ROBO1: variants seen among roughly 807,000 people sequenced by gnomAD.
ROBO1 encodes roundabout homolog 1.
Under a neutral mutation model 195.9 loss-of-function variants are expected in ROBO1, and 149 were observed. That is an observed-to-expected ratio of 0.76 (90% confidence interval 0.67 to 0.87). The LOEUF (loss-of-function observed/expected upper bound fraction) is 0.87. Among genes scored for constraint, ROBO1 ranks in the 40% least tolerant of loss-of-function variants. The pLI, the probability that ROBO1 is intolerant of heterozygous loss-of-function variation, is 0.00. For synonymous variants in ROBO1, 816 were observed against 733.2 expected, an observed-to-expected ratio of 1.11 and a Z score of -1.82; for missense variants, 1,933 against 2,068.3, an observed-to-expected ratio of 0.93 and a Z score of 1.27.
At chr3:78,774,017 C>T (rs1315297737) in intron 4 of ROBO1, among the ~76,000 whole-genome samples, 1 of 152,120 alleles carries the variant, frequency 6.6e-6, no homozygotes, top group Non-Finnish European at 1.5e-5. Flanking sequence ...ATGAAACAAT[C>T]TTGGGAGATG....
chr3:79,269,453 T>C (rs1471698399), intron 2 of ROBO1, among the ~76,000 whole-genome samples: 1 of 151,686 alleles, frequency 6.6e-6, no homozygotes, highest in African/African-American at 2.4e-5. Context: ...GTGTAGTTTT[T>C]TTACTAGTTG....
At chr3:79,604,750 A>AT (rs1459185826) in intron 1 of ROBO1, among the ~76,000 whole-genome samples, 4 of 151,882 alleles carry the variant, frequency 2.6e-5, no homozygotes, top group African/African-American at 9.7e-5. Context: ...TTCTGTGGTC[A>AT]TTTTCTTGAA....
At chr3:78,632,894 T>C (rs1705266897) in intron 24 of ROBO1, among the ~76,000 whole-genome samples, 1 of 152,180 alleles carries the variant, frequency 6.6e-6, no homozygotes, top group African/African-American at 2.4e-5. Flanking sequence ...CAGGATTGAC[T>C]TAGCTTCAAA....
intron 2 of ROBO1, among the ~76,000 whole-genome samples, chr3:79,318,714 T>A (rs896290039): frequency 6.6e-6 from 1 of 152,158 alleles, no homozygotes; most frequent in Non-Finnish European, 1.5e-5. Context: ...TTATCTAGGG[T>A]CATCTAGACA....
chr3:79,551,373 T>C (rs1942505909), intron 2 of ROBO1, among the ~76,000 whole-genome samples: 1 of 151,686 alleles, frequency 6.6e-6, no homozygotes, highest in African/African-American at 2.4e-5. Flanking sequence ...GATACACTGT[T>C]AAAGCAGCAC....
intron 2 of ROBO1, among the ~76,000 whole-genome samples, chr3:79,474,957 C>G (rs950543709): frequency 6.6e-6 from 1 of 151,866 alleles, no homozygotes; most frequent in East Asian, 1.9e-4. Flanking sequence ...AAAGGTAACG[C>G]TATCTAGGAA....
intron 4 of ROBO1, among the ~76,000 whole-genome samples, chr3:78,813,451 A>G (rs1272423553): frequency 6.6e-6 from 1 of 152,078 alleles, no homozygotes; most frequent in African/African-American, 2.4e-5. Flanking sequence ...TCTTTATTCA[A>G]CTGGACCAAA....
chr3:79,534,955 A>G (rs1209273917), intron 2 of ROBO1, among the ~76,000 whole-genome samples: 2 of 152,066 alleles, frequency 1.3e-5, no homozygotes, highest in Admixed American at 6.6e-5. Flanking sequence ...GCTTAGTTTG[A>G]TGTTTGCAAA....
intron 3 of ROBO1, among the ~76,000 whole-genome samples, chr3:79,098,031 T>C (rs1206257570): frequency 6.6e-6 from 1 of 151,786 alleles, no homozygotes; most frequent in Non-Finnish European, 1.5e-5. Flanking sequence ...TTATAAGAGT[T>C]ACTCATCATA....
chr3:79,167,705 T>C (rs1233846696), intron 2 of ROBO1, among the ~76,000 whole-genome samples: 1 of 152,250 alleles, frequency 6.6e-6, no homozygotes, highest in Non-Finnish European at 1.5e-5. Flanking sequence ...ATCTTTCTGC[T>C]AATCCAATCT....
chr3:78,717,890 A>G lies in ROBO1; in HGVS notation c.658-7T>C, dbSNP rs370729207. On this transcript the variant is annotated splice_region_variant and splice_polypyrimidine_tract_variant and intron_variant, in intron 5 of 30. Coordinates refer to ENST00000464233, the MANE Select transcript of ROBO1 (RefSeq NM_002941.4). ...TGAGCTTTCCTCCTCGTATCTTAAA[A>G]AAAAAGTTTCACAGGAATACTATTA... is the stretch of plus-strand genomic sequence containing the variant. The G allele has an allele frequency of 1.9e-4, 306 of 1,612,802 alleles. No homozygotes were observed. In the Middle Eastern group the frequency reaches 2.1e-3, roughly 11 times the overall value.
intron 5 of ROBO1, among the ~76,000 whole-genome samples, chr3:78,743,600 A>G (rs1049506087): frequency 1.3e-5 from 2 of 149,604 alleles, no homozygotes; most frequent in Non-Finnish European, 3.0e-5. Context: ...ATGCTATGCT[A>G]TATGTGCTAA....
Position 79,001,876 on chromosome 3 carries a change from A to G in ROBO1, c.173-62949T>C, listed in dbSNP as rs963331812. On this transcript the variant is annotated intron_variant, in intron 3 of 30. Transcript: ENST00000464233. ...AAGGATAAGCAAAATATTAGATAACATAAACTTATTTAATTTTCAGTTTGG... is the reference window on the plus strand; with the variant it reads ...AAGGATAAGCAAAATATTAGATAACGTAAACTTATTTAATTTTCAGTTTGG... Among the ~76,000 whole-genome samples the G allele has an allele frequency of 4.6e-5, 7 of 152,286 alleles. No homozygotes were observed. In the East Asian group the frequency reaches 1.4e-3, roughly 29 times the overall value.
At chr3:78,954,584 A>G (rs2040947288) in intron 3 of ROBO1, among the ~76,000 whole-genome samples, 3 of 152,106 alleles carry the variant, frequency 2.0e-5, no homozygotes, top group African/African-American at 7.2e-5. Flanking sequence ...GAGTTTGGAC[A>G]ATATTTTTCA....
intron 1 of ROBO1, among the ~76,000 whole-genome samples, chr3:79,666,910 T>G (rs768888532): frequency 1.3e-4 from 20 of 151,932 alleles, no homozygotes; most frequent in Non-Finnish European, 2.5e-4. Context: ...ATAAACTAAC[T>G]TTATTTATAC....
intron 1 of ROBO1, among the ~76,000 whole-genome samples, chr3:79,718,845 C>T (rs951944933): frequency 6.6e-6 from 1 of 151,986 alleles, no homozygotes; most frequent in Non-Finnish European, 1.5e-5. Flanking sequence ...ATGGCTAAAA[C>T]TTCAAGCCAC....
intron 4 of ROBO1, among the ~76,000 whole-genome samples, chr3:78,891,782 TG>T (rs2036911927): frequency 6.6e-6 from 1 of 152,210 alleles, no homozygotes; most frequent in Admixed American, 6.5e-5. Context: ...ACTATTGATG[TG>T]TGTAAACTCA....
At chr3:79,104,879 G>T (rs780369664) in intron 3 of ROBO1, among the ~76,000 whole-genome samples, 1 of 151,742 alleles carries the variant, frequency 6.6e-6, no homozygotes, top group African/African-American at 2.4e-5. Flanking sequence ...ACAGAAAAGA[G>T]AGCTTAGAGA....
At chr3:78,913,593 C>T (rs1203868744) in intron 4 of ROBO1, among the ~76,000 whole-genome samples, 1 of 151,942 alleles carries the variant, frequency 6.6e-6, no homozygotes, top group Non-Finnish European at 1.5e-5. Flanking sequence ...GTAATAAATT[C>T]CAGTCCTCAC....
Sources: gnomAD v4.1 joint callset for allele counts (sites outside exome capture counted in the v4.1 genomes callset) on GRCh38, gnomAD v4.1.1 for gene constraint, MANE v1.5 for transcripts, NCBI Gene and HGNC (gene_info 2026-07-23, HGNC 2026-07-21) for gene names.